EZR: variants seen among roughly 807,000 people sequenced by gnomAD.
The protein encoded by EZR is cytovillin 2.
A neutral mutation model predicts 74.8 loss-of-function variants in EZR; 40 were observed. The observed-to-expected ratio is 0.53, with a 90% CI of 0.42 to 0.70. The LOEUF (loss-of-function observed/expected upper bound fraction) is 0.70, where lower values mean the gene tolerates loss of function less well. Among genes scored for constraint, EZR ranks in the 30% least tolerant of loss-of-function variants. EZR has a pLI of 0.00. For missense variants in EZR, 678 were observed against 755.8 expected (o/e 0.90, Z 1.21); for synonymous variants, 341 against 283.3 (o/e 1.20, Z -2.05).
At chr6:158,776,803 C>T (rs1314341202) in intron 7 of EZR, among the ~76,000 whole-genome samples, 1 of 152,126 alleles carries the variant, frequency 6.6e-6, no homozygotes, top group East Asian at 1.9e-4. Context: ...AATTCCTACC[C>T]AGGTACCTTG....
rs1234499558 is a variant in EZR, at chr6:158,766,256, TTAA to T, written c.*655_*657del. 1 of 151,894 alleles carries T rather than the reference TTAA, an allele frequency of 6.6e-6. No homozygotes were observed. The highest frequency in any genetic ancestry group is 2.4e-5 in the African/African-American group (1 of 41,118). The allele number at this position is 151,894 out of a possible 1,614,324, so 9.4% of individuals were successfully genotyped here. On this transcript the variant is annotated 3_prime_UTR_variant, in exon 14 of 14. Coordinates refer to ENST00000367075, the MANE Select transcript of EZR (RefSeq NM_001111077.2). ...TATATAAATAGTATATAGCTGATCA[TTAA>T]TAAGGTGTATAAGTACAATGTATTC...
intron 9 of EZR, 44 bp from the exon 10 acceptor site, chr6:158,770,938 AG>A (rs1483407092): frequency 1.2e-6 from 2 of 1,613,820 alleles, no homozygotes; most frequent in Non-Finnish European, 1.7e-6. Flanking sequence ...AGACTCTGGC[AG>A]GAAAGTGAGG....
chr6:158,789,763 G>A (rs1320984827), intron 2 of EZR, among the ~76,000 whole-genome samples: 6 of 152,118 alleles, frequency 3.9e-5, no homozygotes, highest in Non-Finnish European at 8.8e-5. Flanking sequence ...GGCACTATAG[G>A]TGCCACCATG....
intron 2 of EZR, among the ~76,000 whole-genome samples, chr6:158,789,787 G>GT (rs924457437): frequency 2.6e-5 from 4 of 152,114 alleles, no homozygotes; most frequent in Non-Finnish European, 4.4e-5. Context: ...AGCTCGTTTT[G>GT]TTTTTTACTT....
At chr6:158,781,908 C>T (rs528068471) in intron 7 of EZR, among the ~76,000 whole-genome samples, 2 of 152,268 alleles carry the variant, frequency 1.3e-5, no homozygotes, top group Non-Finnish European at 1.5e-5. Context: ...CACAGGCGTG[C>T]ACCACCATAG....
chr6:158,799,265 T>C (rs3127186), intron 2 of EZR, among the ~76,000 whole-genome samples: 79,116 of 152,020 alleles, frequency 0.52, 21,599 homozygotes, highest in Non-Finnish European at 0.61. Flanking sequence ...GACCCCAGGC[T>C]AAGGGTCTGA....
At position 158,818,159 on chromosome 6, in the gene EZR, G is replaced by A. The variant is rs1031114602; in HGVS notation, c.-66C>T. 6.3e-7 allele frequency: 1 copy of A among 1,586,622 alleles called. No homozygotes were observed. Among genetic ancestry groups the A allele is most frequent in the Non-Finnish European group, 8.6e-7 (1 of 1,159,108 alleles). ...ACTATCCAGCAGCAGCGAAGACGCT[G>A]TCCCAACCTGGAGTCAGAGCAGAAC... On this transcript the variant is annotated 5_prime_UTR_variant, in exon 2 of 14. Transcript: ENST00000367075.
chr6:158,781,751 CCACT>C (rs1277571477), intron 7 of EZR, among the ~76,000 whole-genome samples: 2 of 152,108 alleles, frequency 1.3e-5, no homozygotes, highest in Non-Finnish European at 2.9e-5. Flanking sequence ...TTCCAAGTAC[CCACT>C]TTCCCCACTT....
At chr6:158,779,838 A>T (rs1212860313) in intron 7 of EZR, among the ~76,000 whole-genome samples, 1 of 151,942 alleles carries the variant, frequency 6.6e-6, no homozygotes, top group Non-Finnish European at 1.5e-5. Flanking sequence ...AGCCTCCCAA[A>T]GTGCTGGGAT....
intron 4 of EZR, among the ~76,000 whole-genome samples, chr6:158,786,255 T>C (rs529795047): frequency 6.6e-6 from 1 of 151,724 alleles, no homozygotes; most frequent in Admixed American, 6.6e-5. Context: ...GCAGCTGTAG[T>C]CCCAGCTACT....
At chr6:158,767,122 T>G (rs1790904928) in intron 13 of EZR, 44 bp from the exon 14 acceptor site, 4 of 1,609,086 alleles carry the variant, frequency 2.5e-6, no homozygotes, top group Non-Finnish European at 3.4e-6. Flanking sequence ...CCTCCCCATA[T>G]GGCCCGGCCC....
At position 158,807,222 on chromosome 6, in the gene EZR, G is replaced by A. The variant is rs538050962; in HGVS notation, c.12+10860C>T. On this transcript the variant is annotated intron_variant, in intron 2 of 13. Transcript: ENST00000367075. ...CCCAGCTACTCGGGAGGCTGAGGCA[G>A]GAGAATGGCGTGAACCCGGGAGGTG... Among the ~76,000 whole-genome samples, 9 of 152,140 alleles carry A rather than the reference G, an allele frequency of 5.9e-5. No homozygotes were observed. The East Asian group carries it at 1.7e-3, about 29-fold the overall frequency.
At chr6:158,769,103 C>A (rs141422715) in intron 12 of EZR, among the ~76,000 whole-genome samples, 28 of 152,352 alleles carry the variant, frequency 1.8e-4, no homozygotes, top group African/African-American at 6.7e-4. Flanking sequence ...AGCAGCTGCA[C>A]TGACTCGTGT....
chr6:158,774,160 C>T (rs1342633368), intron 8 of EZR, among the ~76,000 whole-genome samples: 4 of 152,294 alleles, frequency 2.6e-5, no homozygotes, highest in South Asian at 4.1e-4. Context: ...CAAGAAAGTT[C>T]GATGTCGAAA....
intron 2 of EZR, 141 bp downstream of exon 2, chr6:158,817,941 A>C: frequency 2.6e-5 from 18 of 702,604 alleles, no homozygotes; most frequent in Non-Finnish European, 3.3e-5. Flanking sequence ...AAGAGCGGCG[A>C]AAACCTCCTC....
At chr6:158,790,674 A>AAAAC (rs199620849) in intron 2 of EZR, among the ~76,000 whole-genome samples, 14 of 110,632 alleles carry the variant, frequency 1.3e-4, no homozygotes, top group African/African-American at 3.9e-4. Context: ...ACTCCATCTC[A>AAAAC]AAACAAACAA....
chr6:158,817,866 G>C (rs1034591289), intron 2 of EZR: 9 of 436,466 alleles, frequency 2.1e-5, no homozygotes, highest in African/African-American at 8.0e-5. Context: ...CAAAGAAAAA[G>C]ACTGCAGAGA....
intron 2 of EZR, among the ~76,000 whole-genome samples, chr6:158,803,610 T>C (rs867343648): frequency 0.098 from 1,756 of 17,970 alleles, 419 homozygotes; most frequent in African/African-American, 0.33. Context: ...TATATACATA[T>C]ATATATATAT....
At chr6:158,800,841 A>AT in intron 2 of EZR, among the ~76,000 whole-genome samples, 1 of 152,350 alleles carries the variant, frequency 6.6e-6, no homozygotes, top group Non-Finnish European at 1.5e-5. Context: ...ATCCTGAGGC[A>AT]TATCTGCAAA....
Sources: gnomAD v4.1 joint callset for allele counts (sites outside exome capture counted in the v4.1 genomes callset) on GRCh38, gnomAD v4.1.1 for gene constraint, MANE v1.5 for transcripts, NCBI Gene and HGNC (gene_info 2026-07-23, HGNC 2026-07-21) for gene names.